The following PFKFB2 variants were observed in gnomAD, a reference collection of about 807,000 sequenced individuals.
PFKFB2 encodes 6-phosphofructo-2-kinase/fructose-2,6-bisphosphatase 2.
PFKFB2 carries 53 observed loss-of-function variants against 68.0 expected under a neutral mutation model. The observed-to-expected ratio is 0.78, with a 90% CI of 0.63 to 0.98. PFKFB2 has a LOEUF of 0.98. Among genes scored for constraint, PFKFB2 ranks in the 50% least tolerant of loss-of-function variants. PFKFB2 has a pLI of 0.00. For missense variants in PFKFB2, 451 were observed against 642.0 expected, an observed-to-expected ratio of 0.70 and a Z score of 3.22; for synonymous variants, 222 against 227.6, an observed-to-expected ratio of 0.98 and a Z score of 0.22.
At position 207,072,596 on chromosome 1, in the gene PFKFB2, C is replaced by A. The variant is rs1023640832; in HGVS notation, c.*225C>A. On this transcript the variant is annotated 3_prime_UTR_variant, in exon 15 of 15. Transcript: ENST00000367080. ...ATCTTTTCACCCAGGGGCAAGTTAG[C>A]AAATTGAGTCTTTTAGGACAGATTC... is the stretch of plus-strand genomic sequence containing the variant. 29 of 1,328,778 alleles carry A rather than the reference C, an allele frequency of 2.2e-5. No homozygotes were observed. Among genetic ancestry groups the A allele is most frequent in the Admixed American group, 3.5e-5 (1 of 28,474 alleles). The allele number at this position is 1,328,778 out of a possible 1,614,324, so 82.3% of individuals were successfully genotyped here. A position where few individuals can be genotyped will look rare whatever the true frequency, so the allele number is the denominator to read the frequency against.
Position 207,065,156 on chromosome 1 carries a change from G to T in PFKFB2, c.628G>T (p.Asp210Tyr). The T allele has an allele frequency of 6.2e-7, 1 of 1,613,690 alleles. No homozygotes were observed. The highest frequency in any genetic ancestry group is 1.1e-5 in the South Asian group (1 of 91,020). Residue 210 changes from aspartate (D) to tyrosine (Y), a missense_variant, in exon 8 of 15, where the codon GAC becomes TAC. By Grantham distance (160) the Asp-to-Tyr change is radical. Coordinates refer to ENST00000367080, the MANE Select transcript of PFKFB2 (RefSeq NM_006212.2). ...CCGACCTCTTGACCCAGACAACTAT[G>T]ACAAGTAAGGTTTAAGGCCATGGTT... ...TYRPLDPDNY[D>Y]KDLSFIKVIN...
upstream of PFKFB2, chr1:207,052,459 C>T: frequency 4.4e-6 from 2 of 451,530 alleles, no homozygotes; most frequent in Non-Finnish European, 4.0e-6. Flanking sequence ...GTCAGAAGTT[C>T]GAGACCAGCC....
rs147358194 is a variant in PFKFB2 at position 207,076,972 on chromosome 1, G to A, written c.*4601G>A. On this transcript the variant is annotated 3_prime_UTR_variant, in exon 15 of 15. Transcript: ENST00000367080. ...CACTCCACGTGTTTTCTTTATAGGG[G>A]AGTTCTGTACACTATGATTTTAAAT... 1.9e-3 allele frequency: 1,820 copies of A among 980,962 alleles called. 26 individuals carry two copies. The African/African-American group carries it at 0.03, about 16-fold the overall frequency. 60.8% of individuals were successfully genotyped at this position (980,962 alleles called of 1,614,324 possible). A position where few individuals can be genotyped will look rare whatever the true frequency, so the allele number is the denominator to read the frequency against.
Position 207,063,914 on chromosome 1 carries a change from TG to T in PFKFB2, c.507+86del. On this transcript the variant is annotated intron_variant, in intron 7 of 14. Coordinates refer to ENST00000367080, the MANE Select transcript of PFKFB2 (RefSeq NM_006212.2). The surrounding 1 kb of genome is among the most constrained non-coding windows in gnomAD (Gnocchi z 4.1). ...GTGTGTGTGTGTGTGTGTGTGTGTG[TG>T]TTGTTGGGGAGGGGTGTTTTCGTAA... The T allele has an allele frequency of 2.0e-6, 2 of 998,096 alleles. No homozygotes were observed. The allele number at this position is 998,096 out of a possible 1,614,324, so 61.8% of individuals were successfully genotyped here. A position where few individuals can be genotyped will look rare whatever the true frequency, so the allele number is the denominator to read the frequency against.
chr1:207,042,650 G>GTACTC (rs1321116652), intron 2 of PFKFB2, among the ~76,000 whole-genome samples: 1 of 145,120 alleles, frequency 6.9e-6, no homozygotes, highest in Non-Finnish European at 1.5e-5. Flanking sequence ...CTAAGCCATA[G>GTACTC]TACTCTATTC....
At chr1:207,062,901 T>C (rs1008091605) in intron 4 of PFKFB2, among the ~76,000 whole-genome samples, 185 bp downstream of exon 4, 2 of 152,196 alleles carry the variant, frequency 1.3e-5, no homozygotes, top group Non-Finnish European at 2.9e-5. Context: ...GATTGATACC[T>C]GTGTGCTTGT....
intron 2 of PFKFB2, among the ~76,000 whole-genome samples, chr1:207,061,109 C>CTA (rs60632468): frequency 0.22 from 16,129 of 72,164 alleles, 2,640 homozygotes; most frequent in African/African-American, 0.28. Flanking sequence ...TTATATATAT[C>CTA]TATATATCTT....
At chr1:207,077,922 C>G (rs544832302), downstream of PFKFB2, 2 of 419,444 alleles carry the variant, frequency 4.8e-6, no homozygotes, top group African/African-American at 4.3e-5. Flanking sequence ...CAGACTCAGA[C>G]AAGCCAACAG....
chr1:207,080,102 C>T (rs999805333), downstream of PFKFB2: 1 of 152,210 alleles, frequency 6.6e-6, no homozygotes, highest in African/African-American at 2.4e-5. Flanking sequence ...ACAGACAAAT[C>T]AGATAACTCT....
intron 1 of PFKFB2, among the ~76,000 whole-genome samples, chr1:207,038,659 A>G (rs1682423086): frequency 6.6e-6 from 1 of 152,104 alleles, no homozygotes; most frequent in African/African-American, 2.4e-5. Flanking sequence ...CTCCCACCCA[A>G]TTATTCTTTT....
intron 10 of PFKFB2, 93 bp from the exon 11 acceptor site, chr1:207,069,331 A>C: frequency 1.2e-6 from 1 of 850,350 alleles, no homozygotes; most frequent in Non-Finnish European, 2.0e-6. Context: ...GTACTAAGAA[A>C]CTAGCATTCT....
intron 8 of PFKFB2, among the ~76,000 whole-genome samples, chr1:207,065,672 A>AT (rs1454313803): frequency 6.6e-6 from 1 of 151,786 alleles, no homozygotes; most frequent in African/African-American, 2.4e-5. Context: ...TTTATCATCA[A>AT]TTTTTTCTCT....
At chr1:207,050,673 G>A (rs1198914478), upstream of PFKFB2, 2 of 1,612,600 alleles carry the variant, frequency 1.2e-6, no homozygotes, top group Non-Finnish European at 8.5e-7. Context: ...CCTGGCCCCA[G>A]CCCTGATTCC....
intron 10 of PFKFB2, 71 bp from the exon 11 acceptor site, chr1:207,069,353 T>G (rs1683398858): frequency 1.9e-6 from 2 of 1,029,632 alleles, no homozygotes; most frequent in Non-Finnish European, 3.0e-6. Flanking sequence ...CAATGTCATC[T>G]TCCTTATTTG....
In PFKFB2 at chr1:207,067,604, C is replaced by T. The variant is rs763341581; in HGVS notation, c.738C>T (p.His246=). 16 of 1,613,786 alleles carry T rather than the reference C, an allele frequency of 9.9e-6. No homozygotes were observed. Among genetic ancestry groups the T allele is most frequent in the African/African-American group, 2.7e-5 (2 of 74,846 alleles). Residue 246 remains histidine, a synonymous_variant, in exon 9 of 15, where the codon CAC becomes CAT. Transcript: ENST00000367080. The stretch of plus-strand genomic sequence containing the variant: ...TAGTCTACTACCTCATGAATATCCA[C>T]GTCCAGCCTCGCACCATTTACCTTT... ...SKIVYYLMNI[H]VQPRTIYLCR...
chr1:207,057,459 C>G (rs1238549737), intron 2 of PFKFB2, among the ~76,000 whole-genome samples: 1 of 147,268 alleles, frequency 6.8e-6, no homozygotes, highest in Non-Finnish European at 1.5e-5. Flanking sequence ...GCCTGGGTGA[C>G]AAAGTGAGAC....
rs914497743 is a variant in PFKFB2 at position 207,076,237 on chromosome 1, T to A, written c.*3866T>A. The A allele has an allele frequency of 1.0e-6, 1 of 977,792 alleles. No individual in the cohort carries two copies. The highest frequency in any genetic ancestry group is 5.3e-4 in the Middle Eastern group (1 of 1,896). The allele number at this position is 977,792 out of a possible 1,614,324, so 60.6% of individuals were successfully genotyped here. A position where few individuals can be genotyped will look rare whatever the true frequency, so the allele number is the denominator to read the frequency against. ...AGCTGTTTGGAAATAAATTCATCTATGTTACTTTTTTTTTCTTTTTTTTTT... is the reference window on the plus strand; with the variant it reads ...AGCTGTTTGGAAATAAATTCATCTAAGTTACTTTTTTTTTCTTTTTTTTTT... On this transcript the variant is annotated 3_prime_UTR_variant, in exon 15 of 15. Coordinates refer to ENST00000367080, the MANE Select transcript of PFKFB2 (RefSeq NM_006212.2).
chr1:207,073,701 T>G lies in PFKFB2; in HGVS notation c.*1330T>G. On this transcript the variant is annotated 3_prime_UTR_variant, in exon 15 of 15. Coordinates refer to ENST00000367080, the MANE Select transcript of PFKFB2 (RefSeq NM_006212.2). ...CTCGTAACTGTTTGTATTTCTCTAT[T>G]CACTTCTGTCATTTCATTTTCTTTG... 1.0e-6 allele frequency: 1 copy of G among 985,326 alleles called. No homozygotes were observed. The highest frequency in any genetic ancestry group is 1.2e-6 in the Non-Finnish European group (1 of 829,804). The allele number at this position is 985,326 out of a possible 1,614,324, so 61.0% of individuals were successfully genotyped here.
At chr1:207,054,598 G>C (rs1209872499) in intron 1 of PFKFB2, 103 bp from the exon 2 acceptor site, 2 of 679,606 alleles carry the variant, frequency 2.9e-6, no homozygotes, top group Admixed American at 5.4e-5. Context: ...TCTTGGCCCA[G>C]GGTGTTTTTA....
Sources: gnomAD v4.1 joint callset for allele counts (sites outside exome capture counted in the v4.1 genomes callset) on GRCh38, gnomAD v4.1.1 for gene constraint, Gnocchi (gnomAD v3.1) non-coding constraint, MANE v1.5 for transcripts, NCBI Gene and HGNC (gene_info 2026-07-23, HGNC 2026-07-21) for gene names.